Variants in NLGN1 observed in about 807,000 individuals in gnomAD.
NLGN1 encodes the protein neuroligin 1, also known as neuroligin-1.
A neutral mutation model predicts 65.5 loss-of-function variants in NLGN1; 12 were observed. The ratio of observed to expected loss-of-function variants is 0.18; its 90% confidence interval spans 0.12 to 0.30. NLGN1 has a LOEUF of 0.30. Among genes scored for constraint, NLGN1 ranks in the 10% least tolerant of loss-of-function variants. The pLI is 1.00. For synonymous variants in NLGN1, 350 were observed against 359.5 expected, an observed-to-expected ratio of 0.97 and a Z score of 0.30; for missense variants, 750 against 1,007.1, an observed-to-expected ratio of 0.74 and a Z score of 3.46.
chr3:174,083,908 G>C (rs1469901220), intron 4 of NLGN1, among the ~76,000 whole-genome samples: 2 of 152,064 alleles, frequency 1.3e-5, no homozygotes, highest in African/African-American at 4.8e-5. Flanking sequence ...ACATTATGAA[G>C]AAACAAAACC....
chr3:174,129,561 T>A (rs1193265056), intron 4 of NLGN1, among the ~76,000 whole-genome samples: 1 of 152,168 alleles, frequency 6.6e-6, no homozygotes, highest in African/African-American at 2.4e-5. Context: ...TGGGTTAAGA[T>A]GGGGTTGTTA....
chr3:173,484,561 CA>C (rs1367518472), intron 2 of NLGN1, among the ~76,000 whole-genome samples: 15 of 151,868 alleles, frequency 9.9e-5, no homozygotes, highest in African/African-American at 3.6e-4. Context: ...TCTTAATAAG[CA>C]AAATATTCAT....
chr3:173,539,815 C>A (rs138677656), intron 2 of NLGN1, among the ~76,000 whole-genome samples: 6,881 of 131,466 alleles, frequency 0.052, 218 homozygotes, highest in Middle Eastern at 0.2. Context: ...TACATATATA[C>A]ATATGTTATA....
At chr3:174,217,309 A>G (rs1023457693) in intron 4 of NLGN1, among the ~76,000 whole-genome samples, 3 of 152,174 alleles carry the variant, frequency 2.0e-5, no homozygotes, top group Admixed American at 6.5e-5. Flanking sequence ...AACTGATTGC[A>G]TCTGCAAAGA....
At chr3:174,150,698 G>T (rs541923701) in intron 4 of NLGN1, among the ~76,000 whole-genome samples, 1 of 152,200 alleles carries the variant, frequency 6.6e-6, no homozygotes, top group East Asian at 1.9e-4. Context: ...TTATCTAGCA[G>T]AGATTCAAAA....
intron 4 of NLGN1, among the ~76,000 whole-genome samples, chr3:174,052,716 A>T (rs557423466): frequency 6.6e-6 from 1 of 152,122 alleles, no homozygotes; most frequent in East Asian, 1.9e-4. Context: ...AGGTGCTTCT[A>T]TTTGAGAGTG....
chr3:173,559,860 A>C (rs974184392), intron 2 of NLGN1, among the ~76,000 whole-genome samples: 1 of 152,130 alleles, frequency 6.6e-6, no homozygotes, highest in African/African-American at 2.4e-5. Flanking sequence ...TGTCATGAAG[A>C]GAATACTTCT....
At chr3:173,866,856 C>T (rs1037395271) in intron 4 of NLGN1, among the ~76,000 whole-genome samples, 6 of 151,932 alleles carry the variant, frequency 3.9e-5, no homozygotes, top group African/African-American at 1.2e-4. Flanking sequence ...TCATTAGAAG[C>T]GATAGGGTTG....
chr3:173,831,650 T>A (rs113502109), intron 4 of NLGN1, among the ~76,000 whole-genome samples: 1 of 152,240 alleles, frequency 6.6e-6, no homozygotes, highest in African/African-American at 2.4e-5. Flanking sequence ...AAATTTGTTA[T>A]ATGAAAACAG....
chr3:173,865,034 C>T, intron 4 of NLGN1, among the ~76,000 whole-genome samples: 1 of 152,098 alleles, frequency 6.6e-6, no homozygotes, highest in East Asian at 1.9e-4. Context: ...TTAAATATTT[C>T]TGATTGGACT....
At chr3:174,274,021 AGTT>A (rs531443465) in intron 4 of NLGN1, among the ~76,000 whole-genome samples, 68 of 151,864 alleles carry the variant, frequency 4.5e-4, no homozygotes, top group East Asian at 1.2e-3. Flanking sequence ...TGAATAAAAT[AGTT>A]GTTATCACAA....
intron 2 of NLGN1, among the ~76,000 whole-genome samples, chr3:173,538,373 A>G (rs1412228895): frequency 1.3e-5 from 2 of 152,192 alleles, no homozygotes; most frequent in African/African-American, 4.8e-5. Flanking sequence ...TCACTGCTGC[A>G]CTTCTTTTGC....
At chr3:173,734,282 T>G (rs1005005183) in intron 3 of NLGN1, among the ~76,000 whole-genome samples, 2 of 151,802 alleles carry the variant, frequency 1.3e-5, no homozygotes, top group Admixed American at 1.3e-4. Flanking sequence ...ACATTTTAGT[T>G]CAAGATAATA....
intron 3 of NLGN1, among the ~76,000 whole-genome samples, chr3:173,787,645 A>G (rs1462692001): frequency 6.6e-6 from 1 of 152,218 alleles, no homozygotes; most frequent in Non-Finnish European, 1.5e-5. Flanking sequence ...CTTATCCCAT[A>G]TTGATTCTTG....
chr3:173,884,656 A>G (rs886484903), intron 4 of NLGN1, among the ~76,000 whole-genome samples: 5 of 152,152 alleles, frequency 3.3e-5, no homozygotes, highest in Non-Finnish European at 5.9e-5. Flanking sequence ...AGGACTCTAG[A>G]CTTTATTTAT....
intron 4 of NLGN1, among the ~76,000 whole-genome samples, chr3:173,868,498 A>G (rs1488186213): frequency 3.3e-5 from 5 of 152,168 alleles, no homozygotes; most frequent in South Asian, 2.1e-4. Flanking sequence ...ACTGACTACT[A>G]TTCATTCATT....
At chr3:173,616,481 T>C (rs1753100457) in intron 3 of NLGN1, among the ~76,000 whole-genome samples, 1 of 152,134 alleles carries the variant, frequency 6.6e-6, no homozygotes, top group Admixed American at 6.6e-5. Context: ...TGTTTGATGG[T>C]AATATTTTTT....
chr3:173,543,083 A>C (rs2149237564), intron 2 of NLGN1, among the ~76,000 whole-genome samples: 1 of 152,208 alleles, frequency 6.6e-6, no homozygotes, highest in Middle Eastern at 3.4e-3. Context: ...CCTTTGCACA[A>C]CTCAGATGAG....
chr3:173,892,575 T>TAA (rs58100019), intron 4 of NLGN1, among the ~76,000 whole-genome samples: 26,000 of 130,766 alleles, frequency 0.2, 2,864 homozygotes, highest in East Asian at 0.42. Context: ...GAAGGCAAAC[T>TAA]AAAAAAAAAA....
Sources: gnomAD v4.1 joint callset for allele counts (sites outside exome capture counted in the v4.1 genomes callset) on GRCh38, gnomAD v4.1.1 for gene constraint, MANE v1.5 for transcripts, NCBI Gene and HGNC (gene_info 2026-07-23, HGNC 2026-07-21) for gene names.